CNTNAP2: variants seen among roughly 807,000 people sequenced by gnomAD.
CNTNAP2 encodes the protein contactin-associated protein-like 2.
Under a neutral mutation model 155.2 loss-of-function variants are expected in CNTNAP2, and 98 were observed. The observed-to-expected ratio is 0.63, with a 90% CI of 0.54 to 0.75. The LOEUF (loss-of-function observed/expected upper bound fraction) is 0.75, where lower values mean the gene tolerates loss of function less well. Among genes scored for constraint, CNTNAP2 ranks in the 30% least tolerant of loss-of-function variants. The pLI, the probability that CNTNAP2 is intolerant of heterozygous loss-of-function variation, is 0.00. For missense variants in CNTNAP2, 1,727 were observed against 1,688.1 expected (o/e 1.02, Z -0.40); for synonymous variants, 651 against 631.2 (o/e 1.03, Z -0.47).
chr7:147,484,940 C>A (rs1798485483), intron 10 of CNTNAP2, among the ~76,000 whole-genome samples: 1 of 152,150 alleles, frequency 6.6e-6, no homozygotes, highest in South Asian at 2.1e-4. Context: ...ACAATGAATA[C>A]CTTTGTTATC....
At chr7:146,139,995 G>T (rs1797854696) in intron 1 of CNTNAP2, among the ~76,000 whole-genome samples, 1 of 152,224 alleles carries the variant, frequency 6.6e-6, no homozygotes, top group African/African-American at 2.4e-5. Flanking sequence ...CCAGCGTCCA[G>T]TCAAAGCCCT....
At chr7:147,997,217 T>C (rs1801818623) in intron 15 of CNTNAP2, among the ~76,000 whole-genome samples, 1 of 152,212 alleles carries the variant, frequency 6.6e-6, no homozygotes, top group South Asian at 2.1e-4. Context: ...GCACCTTGTG[T>C]TGGCAGTGTC....
intron 13 of CNTNAP2, among the ~76,000 whole-genome samples, chr7:147,675,869 A>C: frequency 6.6e-6 from 1 of 152,072 alleles, no homozygotes. Context: ...TTGAGGAATT[A>C]TGATCATGCC....
intron 13 of CNTNAP2, among the ~76,000 whole-genome samples, chr7:147,691,710 A>T (rs1169872153): frequency 6.6e-6 from 1 of 152,114 alleles, no homozygotes; most frequent in Non-Finnish European, 1.5e-5. Context: ...GCTTTATTTT[A>T]TTATCAGAGA....
intron 13 of CNTNAP2, among the ~76,000 whole-genome samples, chr7:147,813,557 G>A (rs1798215117): frequency 6.6e-6 from 1 of 152,084 alleles, no homozygotes; most frequent in South Asian, 2.1e-4. Context: ...TGTTCTTGGA[G>A]AAAGAAAAAG....
intron 21 of CNTNAP2, among the ~76,000 whole-genome samples, chr7:148,331,282 G>C (rs1798002854): frequency 6.6e-6 from 1 of 150,852 alleles, no homozygotes; most frequent in Non-Finnish European, 1.5e-5. Flanking sequence ...TGGACGGATG[G>C]AGTGGATGGA....
chr7:148,108,323 T>C (rs937638616), intron 15 of CNTNAP2, among the ~76,000 whole-genome samples: 2 of 151,620 alleles, frequency 1.3e-5, no homozygotes, highest in African/African-American at 2.4e-5. Flanking sequence ...TCAAGGATGA[T>C]AGCTCTGATT....
At chr7:146,238,803 G>A (rs1799515581) in intron 1 of CNTNAP2, among the ~76,000 whole-genome samples, 1 of 152,242 alleles carries the variant, frequency 6.6e-6, no homozygotes, top group Admixed American at 6.5e-5. Context: ...GCAAAGGGGA[G>A]GCAAGGCACC....
At chr7:147,055,678 G>A (rs752745440) in intron 4 of CNTNAP2, among the ~76,000 whole-genome samples, 14 of 152,140 alleles carry the variant, frequency 9.2e-5, no homozygotes, top group Non-Finnish European at 1.6e-4. Flanking sequence ...CAGACACTGC[G>A]GGAGGCAGGA....
chr7:147,485,333 T>C (rs977170913), intron 10 of CNTNAP2, among the ~76,000 whole-genome samples: 2 of 152,216 alleles, frequency 1.3e-5, no homozygotes, highest in Non-Finnish European at 2.9e-5. Flanking sequence ...TAAAAAGATA[T>C]AGATTTGAAC....
At chr7:146,912,801 C>A (rs1191985629) in intron 3 of CNTNAP2, among the ~76,000 whole-genome samples, 1 of 152,072 alleles carries the variant, frequency 6.6e-6, no homozygotes, top group African/African-American at 2.4e-5. Context: ...TGAGTATCTG[C>A]CCTAAGCCAA....
intron 1 of CNTNAP2, among the ~76,000 whole-genome samples, chr7:146,149,817 AT>A (rs149890099): frequency 1.3e-4 from 20 of 149,108 alleles, no homozygotes; most frequent in African/African-American, 4.7e-4. Context: ...ATAGAAGAAT[AT>A]TTCCTGGACC....
intron 8 of CNTNAP2, among the ~76,000 whole-genome samples, chr7:147,292,695 G>A (rs994172146): frequency 6.6e-5 from 10 of 152,072 alleles, no homozygotes; most frequent in African/African-American, 1.9e-4. Context: ...AGAAGAATTT[G>A]GGTGCCTGTA....
chr7:146,251,924 T>C (rs1006068845), intron 1 of CNTNAP2, among the ~76,000 whole-genome samples: 4 of 152,214 alleles, frequency 2.6e-5, no homozygotes, highest in African/African-American at 9.6e-5. Context: ...TGTATTGCAA[T>C]AACCTACAAT....
At chr7:146,350,571 A>G (rs1366065220) in intron 1 of CNTNAP2, among the ~76,000 whole-genome samples, 8 of 151,728 alleles carry the variant, frequency 5.3e-5, no homozygotes, top group Non-Finnish European at 1.2e-4. Context: ...ACACTTTTAC[A>G]CTGTTGGTGG....
intron 12 of CNTNAP2, among the ~76,000 whole-genome samples, chr7:147,629,574 T>C (rs902865869): frequency 2.0e-5 from 3 of 151,958 alleles, no homozygotes; most frequent in African/African-American, 7.2e-5. Flanking sequence ...GACCATATGA[T>C]AGCTTACAAA....
At chr7:147,622,132 A>G (rs1794870416) in intron 12 of CNTNAP2, among the ~76,000 whole-genome samples, 1 of 152,006 alleles carries the variant, frequency 6.6e-6, no homozygotes, top group Non-Finnish European at 1.5e-5. Context: ...ACCGCGATAT[A>G]TAAAGCAAAT....
At chr7:148,158,788 G>A (rs377431567) in intron 17 of CNTNAP2, among the ~76,000 whole-genome samples, 2 of 151,994 alleles carry the variant, frequency 1.3e-5, no homozygotes, top group African/African-American at 4.8e-5. Flanking sequence ...TTAATGTAAC[G>A]GTACCACTTT....
chr7:146,887,106 T>A (rs1585139596), intron 3 of CNTNAP2, among the ~76,000 whole-genome samples: 2 of 152,090 alleles, frequency 1.3e-5, no homozygotes, highest in African/African-American at 4.8e-5. Flanking sequence ...AAATCTTCAT[T>A]TTTTTCTATC....
Sources: allele counts gnomAD v4.1 joint callset (sites outside exome capture counted in the v4.1 genomes callset), GRCh38; gene constraint gnomAD v4.1.1; transcripts MANE v1.5; gene names NCBI Gene and HGNC (gene_info 2026-07-23, HGNC 2026-07-21).